The following TBC1D12 variants were observed in gnomAD, a reference collection of about 807,000 sequenced individuals.
TBC1D12 encodes the protein TBC1 domain family member 12, also known as TBC1 domain family, member 12.
Under a neutral mutation model 86.7 loss-of-function variants are expected in TBC1D12, and 56 were observed. The ratio of observed to expected loss-of-function variants is 0.65; its 90% CI spans 0.52 to 0.81. The LOEUF is 0.81. Ranked by LOEUF, TBC1D12 falls within the 30% of genes least tolerant of loss-of-function variation. The probability of loss-of-function intolerance (pLI) is 0.00; values close to 1 mark genes in which losing one functional copy is unlikely to be tolerated. For synonymous variants in TBC1D12, 421 were observed against 411.7 expected, an observed-to-expected ratio of 1.02 and a Z score of -0.27; for missense variants, 1,023 against 1,038.8, an observed-to-expected ratio of 0.98 and a Z score of 0.21.
intron 1 of TBC1D12, among the ~76,000 whole-genome samples, chr10:94,408,632 AAATCAT>A (rs1331776054): frequency 6.6e-6 from 1 of 152,152 alleles, no homozygotes; most frequent in African/African-American, 2.4e-5. Flanking sequence ...CTAGTTGACA[AAATCAT>A]AATTCATCCA....
intron 1 of TBC1D12, among the ~76,000 whole-genome samples, chr10:94,423,091 C>T (rs1208721726): frequency 2.0e-5 from 3 of 151,672 alleles, no homozygotes; most frequent in African/African-American, 7.3e-5. Flanking sequence ...CAGAATGAGG[C>T]CCTGTCTTGA....
intron 2 of TBC1D12, among the ~76,000 whole-genome samples, chr10:94,449,752 T>C (rs780674539): frequency 1.3e-5 from 2 of 152,232 alleles, no homozygotes; most frequent in Non-Finnish European, 2.9e-5. Context: ...TCAGGGTATA[T>C]ATCAGGCAAT....
At chr10:94,453,497 T>C (rs550821320) in intron 2 of TBC1D12, among the ~76,000 whole-genome samples, 24 of 152,306 alleles carry the variant, frequency 1.6e-4, no homozygotes, top group African/African-American at 5.5e-4. Flanking sequence ...TGTCTTACTG[T>C]GTCTAATTTA....
intron 11 of TBC1D12, among the ~76,000 whole-genome samples, chr10:94,528,233 T>C (rs1842345647): frequency 6.6e-6 from 1 of 152,192 alleles, no homozygotes. Context: ...TCCATTTGTT[T>C]GTATCCTCTT....
chr10:94,526,258 C>G (rs1030545374), intron 11 of TBC1D12, among the ~76,000 whole-genome samples: 8 of 152,040 alleles, frequency 5.3e-5, no homozygotes, highest in Non-Finnish European at 1.0e-4. Flanking sequence ...TGGCGAAACC[C>G]CATCTCTACA....
intron 3 of TBC1D12, among the ~76,000 whole-genome samples, chr10:94,482,849 C>G (rs1365808744): frequency 6.6e-6 from 1 of 152,098 alleles, no homozygotes; most frequent in Non-Finnish European, 1.5e-5. Flanking sequence ...TACTCTCTAT[C>G]TCTGTGATTT....
intron 3 of TBC1D12, among the ~76,000 whole-genome samples, chr10:94,482,467 TG>T (rs1411357369): frequency 6.6e-6 from 1 of 152,026 alleles, no homozygotes; most frequent in Non-Finnish European, 1.5e-5. Flanking sequence ...TTTTTTTTTT[TG>T]AGACGGAGTT....
At chr10:94,513,580 G>A (rs1419868623) in intron 9 of TBC1D12, among the ~76,000 whole-genome samples, 1 of 151,652 alleles carries the variant, frequency 6.6e-6, no homozygotes, top group Admixed American at 6.6e-5. Flanking sequence ...TTTTGAGACA[G>A]GGTCTCACTC....
At chr10:94,531,559 T>G in intron 12 of TBC1D12, 99 bp downstream of exon 12, 1 of 1,270,794 alleles carries the variant, frequency 7.9e-7, no homozygotes, top group Non-Finnish European at 1.0e-6. Flanking sequence ...TAAAAATATG[T>G]CTTTTAAAAA....
intron 2 of TBC1D12, among the ~76,000 whole-genome samples, chr10:94,467,788 T>TGA (rs1259058972): frequency 6.6e-6 from 1 of 152,202 alleles, no homozygotes; most frequent in Admixed American, 6.5e-5. Flanking sequence ...GGTGCAGCAG[T>TGA]GAGCTCATAG....
chr10:94,529,136 G>A (rs1055978667), intron 11 of TBC1D12, among the ~76,000 whole-genome samples: 1 of 151,912 alleles, frequency 6.6e-6, no homozygotes. Context: ...TCAGCCTCTC[G>A]AGTATCTGGG....
intron 9 of TBC1D12, among the ~76,000 whole-genome samples, chr10:94,515,206 C>T (rs571923128): frequency 2.5e-4 from 38 of 151,634 alleles, no homozygotes; most frequent in Non-Finnish European, 5.0e-4. Context: ...CGCGCCCGGC[C>T]GCAAGTTTTT....
intron 9 of TBC1D12, among the ~76,000 whole-genome samples, chr10:94,520,322 G>A (rs1426207937): frequency 1.3e-5 from 2 of 152,082 alleles, no homozygotes; most frequent in Admixed American, 6.6e-5. Flanking sequence ...GGAGGCCGAG[G>A]TGGGTGGATC....
At chr10:94,449,351 C>A (rs1475605339) in intron 2 of TBC1D12, among the ~76,000 whole-genome samples, 1 of 152,020 alleles carries the variant, frequency 6.6e-6, no homozygotes, top group Non-Finnish European at 1.5e-5. Context: ...CTCTTATATG[C>A]CAGAAAGTGA....
Position 94,452,408 on chromosome 10 carries a change from T to C in TBC1D12, c.1095+10389T>C, listed in dbSNP as rs80119422. On this transcript the variant is annotated intron_variant, in intron 2 of 12. Coordinates refer to ENST00000225235, the MANE Select transcript of TBC1D12 (RefSeq NM_015188.2). Reference sequence around the variant, plus strand: ...CATTGTAGTATTACACAGCATAGTTTCACTACACTAAAAATTGTGCTGTGT... The same window carrying C: ...CATTGTAGTATTACACAGCATAGTTCCACTACACTAAAAATTGTGCTGTGT... Among the ~76,000 whole-genome samples the C allele has an allele frequency of 1.1e-4, 17 of 152,266 alleles. No individual in the cohort carries two copies. The East Asian group carries it at 3.3e-3, about 29-fold the overall frequency.
intron 7 of TBC1D12, chr10:94,508,908 C>G (rs2056493661): frequency 6.6e-6 from 1 of 151,858 alleles, no homozygotes; most frequent in South Asian, 2.1e-4. Flanking sequence ...AAATTGTATG[C>G]CAGACATTGT....
At chr10:94,407,568 CA>C (rs1220090664) in intron 1 of TBC1D12, among the ~76,000 whole-genome samples, 1 of 151,870 alleles carries the variant, frequency 6.6e-6, no homozygotes, top group East Asian at 1.9e-4. Flanking sequence ...CCTGTAATCC[CA>C]GCTACTAAGG....
chr10:94,411,735 G>C (rs1343058822), intron 1 of TBC1D12, among the ~76,000 whole-genome samples: 2 of 152,146 alleles, frequency 1.3e-5, no homozygotes, highest in African/African-American at 4.8e-5. Flanking sequence ...AAGGTGGGGG[G>C]ACTGCTTCAG....
At chr10:94,404,420 C>G (rs1324983467) in intron 1 of TBC1D12, among the ~76,000 whole-genome samples, 1 of 151,248 alleles carries the variant, frequency 6.6e-6, no homozygotes, top group Admixed American at 6.6e-5. Flanking sequence ...CTGAGGCGGG[C>G]GGACTATTTG....
Sources: gnomAD v4.1 joint callset for allele counts (sites outside exome capture counted in the v4.1 genomes callset) on GRCh38, gnomAD v4.1.1 for gene constraint, MANE v1.5 for transcripts, NCBI Gene and HGNC (gene_info 2026-07-23, HGNC 2026-07-21) for gene names.